AADACL3: variants seen among roughly 807,000 people sequenced by gnomAD.
The protein encoded by AADACL3 is arylacetamide deacetylase-like 3.
Under a neutral mutation model 13.6 loss-of-function variants are expected in AADACL3, and 13 were observed. The ratio of observed to expected loss-of-function variants is 0.95; its 90% CI spans 0.62 to 1.52. The LOEUF is 1.52. Among genes scored for constraint, AADACL3 ranks in the 40% most tolerant of loss-of-function variants. The probability of loss-of-function intolerance (pLI) is 0.00; values close to 1 mark genes in which losing one functional copy is unlikely to be tolerated. For missense variants in AADACL3, 519 were observed against 499.2 expected (o/e 1.04, Z -0.38); for synonymous variants, 195 against 197.0 (o/e 0.99, Z 0.08).
At position 12,726,300 on chromosome 1, in the gene AADACL3, A is replaced by C; in HGVS notation, c.*304A>C. 2.6e-6 allele frequency: 1 copy of C among 388,234 alleles called. No homozygotes were observed. Among genetic ancestry groups the C allele is most frequent in the South Asian group, 3.9e-5 (1 of 25,744 alleles). The allele number at this position is 388,234 out of a possible 1,614,324, so 24.0% of individuals were successfully genotyped here. ...GAATCAGCCGGTAAGAGCTGTTCTC[A>C]GCCTCCCTAAGGGGCAGTTCAGGCT... On this transcript the variant is annotated 3_prime_UTR_variant, in exon 4 of 4. Transcript: ENST00000359318.
intron 3 of AADACL3, among the ~76,000 whole-genome samples, chr1:12,722,283 C>T (rs1313276122): frequency 2.2e-5 from 3 of 139,446 alleles, no homozygotes; most frequent in Non-Finnish European, 4.6e-5. Flanking sequence ...GCTGAGATGG[C>T]GCCACTGCAC....
rs758517098 is a variant in AADACL3 at position 12,725,858 on chromosome 1, C to G, written c.1086C>G (p.Asp362Glu). 2.5e-6 allele frequency: 4 copies of G among 1,614,066 alleles called. No individual in the cohort carries two copies. The highest frequency in any genetic ancestry group is 3.4e-6 in the Non-Finnish European group (4 of 1,180,032). ...NSLLYKKRLEDLGVPVTWHHM... is the reference protein window; with the variant it reads ...NSLLYKKRLEELGVPVTWHHM... ...TGTTGTACAAGAAAAGGCTGGAAGA[C>G]CTGGGAGTGCCCGTGACCTGGCACC... Residue 362 changes from aspartate (D) to glutamate (E), a missense_variant, in exon 4 of 4, where the codon GAC becomes GAG. By Grantham distance (45) the Asp-to-Glu change is conservative. Transcript: ENST00000359318.
In AADACL3 at chr1:12,727,573, G is replaced by C. The variant is rs575192526; in HGVS notation, c.*1577G>C. ...TGGTTAGTGGTCTTTACAGGCCAAGGTCAAGGCCATTGCACAAAAAACCCT... is the reference window on the plus strand; with the variant it reads ...TGGTTAGTGGTCTTTACAGGCCAAGCTCAAGGCCATTGCACAAAAAACCCT... On this transcript the variant is annotated 3_prime_UTR_variant, in exon 4 of 4. Transcript: ENST00000359318. 1.3e-5 allele frequency: 2 copies of C among 152,224 alleles called. No individual in the cohort carries two copies. Among genetic ancestry groups the C allele is most frequent in the Non-Finnish European group, 2.9e-5 (2 of 68,058 alleles). The allele number at this position is 152,224 out of a possible 1,614,324, so 9.4% of individuals were successfully genotyped here. A position where few individuals can be genotyped will look rare whatever the true frequency, so the allele number is the denominator to read the frequency against.
chr1:12,718,491 C>A (rs1388320494), intron 1 of AADACL3, among the ~76,000 whole-genome samples: 2 of 151,836 alleles, frequency 1.3e-5, no homozygotes, highest in Non-Finnish European at 2.9e-5. Context: ...TCTTTATTTA[C>A]GTATTTTTAA....
In AADACL3 at chr1:12,725,602, T is replaced by C; in HGVS notation, c.830T>C (p.Val277Ala). Residue 277 changes from valine (V) to alanine (A), a missense_variant, in exon 4 of 4, where the codon GTC (valine) becomes GCC (alanine). By Grantham distance (64) the Val-to-Ala change is moderately conservative. Transcript: ENST00000359318. ...AAAGGTGCCCATTTGCCTGCTGAAG[T>C]CTGGGAAAAGTACAGAAAGTGGTTG... ...IMKGAHLPAE[V>A]WEKYRKWLGP... The C allele has an allele frequency of 6.2e-7, 1 of 1,614,022 alleles. No individual in the cohort carries two copies.
Position 12,725,747 on chromosome 1 carries a change from C to T in AADACL3, c.975C>T (p.Pro325=), listed in dbSNP as rs1553152430. Reference sequence around the variant, plus strand: ...TTGTCCTGGATGTGATGTGCTCGCCCCTGATTGCAGAAGATGACATAGTGT... The same window carrying T: ...TTGTCCTGGATGTGATGTGCTCGCCTCTGATTGCAGAAGATGACATAGTGT... ...VSVVLDVMCS[P]LIAEDDIVSQ... Residue 325 remains proline, a synonymous_variant, in exon 4 of 4, where the codon CCC becomes CCT. Coordinates refer to ENST00000359318, the MANE Select transcript of AADACL3 (RefSeq NM_001103170.3). 1.1e-5 allele frequency: 17 copies of T among 1,614,102 alleles called. No individual in the cohort carries two copies. Among genetic ancestry groups the T allele is most frequent in the Middle Eastern group, 3.3e-4 (2 of 6,062 alleles).
rs2100217068 is a variant in AADACL3, at chr1:12,725,442, A to G, written c.670A>G (p.Ile224Val). ...CCGGGCTCAGATCCTGATCTATGCC[A>G]TTCTCCAAGCCCTGGATTTACAAAC... ...RIRAQILIYA[I>V]LQALDLQTPS... Residue 224 changes from isoleucine (I) to valine (V), a missense_variant, in exon 4 of 4, where the codon ATT becomes GTT. Transcript: ENST00000359318. The G allele has an allele frequency of 2.5e-6, 4 of 1,614,016 alleles. No homozygotes were observed. The South Asian group carries it at 3.3e-5, about 13-fold the overall frequency.
chr1:12,720,354 T>C (rs1488833178), intron 2 of AADACL3, among the ~76,000 whole-genome samples: 1 of 152,212 alleles, frequency 6.6e-6, no homozygotes, highest in Non-Finnish European at 1.5e-5. Context: ...GTTTGGTCTG[T>C]ATGAGAATGA....
Position 12,719,674 on chromosome 1 carries a change from G to C in AADACL3, c.368G>C (p.Gly123Ala), listed in dbSNP as rs377308008. 1.1e-5 allele frequency: 17 copies of C among 1,613,924 alleles called. No individual in the cohort carries two copies. In the African/African-American group the frequency reaches 2.3e-4, roughly 22 times the overall value. ...PGIVYYHGGG[G>A]VMGSLKTHHG... ...ATCGTGTACTACCACGGTGGCGGGG[G>C]CGTCATGGGGAGTTTGAGTAAGAAC... Residue 123 changes from glycine (G) to alanine (A), a missense_variant, in exon 2 of 4, where the codon GGC (glycine) becomes GCC (alanine). Coordinates refer to ENST00000359318, the MANE Select transcript of AADACL3 (RefSeq NM_001103170.3).
At chr1:12,719,410 G>A in intron 1 of AADACL3, 65 bp from the exon 2 acceptor site, 1 of 1,505,578 alleles carries the variant, frequency 6.6e-7, no homozygotes, top group Non-Finnish European at 9.2e-7. Context: ...AGGTTGTGAA[G>A]GCCAGACTCC....
chr1:12,724,197 G>A lies in AADACL3; in HGVS notation c.450-1025G>A, dbSNP rs189637091. 5.1e-3 allele frequency among the ~76,000 whole-genome samples: 778 copies of A among 152,248 alleles called. 7 individuals are homozygous for A. Among genetic ancestry groups the A allele is most frequent in the African/African-American group, 0.018 (745 of 41,542 alleles). Reference sequence around the variant, plus strand: ...GCTGGATCCTATCCCTGCAGCTCAGGGAACAAGGCAGGAACCAACCCTGGA... The same window carrying A: ...GCTGGATCCTATCCCTGCAGCTCAGAGAACAAGGCAGGAACCAACCCTGGA... On this transcript the variant is annotated intron_variant, in intron 3 of 3. Coordinates refer to ENST00000359318, the MANE Select transcript of AADACL3 (RefSeq NM_001103170.3).
intron 1 of AADACL3, 109 bp downstream of exon 1, chr1:12,716,453 T>C: frequency 6.9e-7 from 1 of 1,440,950 alleles, no homozygotes; most frequent in Non-Finnish European, 9.8e-7. Context: ...TCATGGGGCC[T>C]GCAGTGACAG....
At chr1:12,721,029 TG>T (rs1167514773) in intron 3 of AADACL3, 83 bp downstream of exon 3, 19 of 88,918 alleles carry the variant, frequency 2.1e-4, no homozygotes, top group South Asian at 5.4e-4. Context: ...GAAATGGGGG[TG>T]GGGGGTGGGG....
chr1:12,725,343 G>C lies in AADACL3; in HGVS notation c.571G>C (p.Gly191Arg). The C allele has an allele frequency of 6.2e-7, 1 of 1,614,114 alleles. No individual in the cohort carries two copies. The highest frequency in any genetic ancestry group is 1.6e-4 in the Middle Eastern group (1 of 6,062). ...GVDPARVVVC[G>R]DSFGGAIAAV... ...GGATCCAGCCCGGGTTGTGGTCTGC[G>C]GTGACAGTTTCGGAGGGGCAATAGC... is the stretch of plus-strand genomic sequence containing the variant. The change falls in exon 4 of 4, where the codon GGT becomes CGT. Residue 191 changes from glycine (G) to arginine (R), a missense_variant. Physicochemically the swap from Gly to Arg is moderately radical, Grantham distance 125 (BLOSUM62 -2). Coordinates refer to ENST00000359318, the MANE Select transcript of AADACL3 (RefSeq NM_001103170.3).
chr1:12,718,770 G>C (rs1381436235), intron 1 of AADACL3, among the ~76,000 whole-genome samples: 2 of 152,130 alleles, frequency 1.3e-5, no homozygotes, highest in Non-Finnish European at 2.9e-5. Context: ...CAAAGTGCTG[G>C]GATTACAGGT....
At position 12,725,761 on chromosome 1, in the gene AADACL3, A is replaced by T. The variant is rs1236966072; in HGVS notation, c.989A>T (p.Asp330Val). ...DVMCSPLIAE[D>V]DIVSQLPETC... is the part of the protein sequence containing the mutation. ...ATGTGCTCGCCCCTGATTGCAGAAG[A>T]TGACATAGTGTCTCAGCTCCCGGAA... is the stretch of plus-strand genomic sequence containing the variant. The change falls in exon 4 of 4, where the codon GAT becomes GTT. Residue 330 changes from aspartate to valine, a missense_variant. By Grantham distance (152) the Asp-to-Val change is radical. Transcript: ENST00000359318. 3 of 1,614,052 alleles carry T rather than the reference A, an allele frequency of 1.9e-6. No individual in the cohort carries two copies. The highest frequency in any genetic ancestry group is 2.5e-6 in the Non-Finnish European group (3 of 1,180,038).
In AADACL3 at chr1:12,716,350, T is replaced by A; in HGVS notation, c.168+6T>A. The stretch of plus-strand genomic sequence containing the variant: ...TCCAGCTGCTGTTGACTTGGGTGAG[T>A]TTTGTGCTTTATGTGTCCCCTCCAG... On this transcript the variant is annotated splice_donor_region_variant and intron_variant, in intron 1 of 3. Transcript: ENST00000359318. The A allele has an allele frequency of 6.2e-7, 1 of 1,614,014 alleles. No individual in the cohort carries two copies. The highest frequency in any genetic ancestry group is 1.1e-5 in the South Asian group (1 of 91,066).
chr1:12,717,869 A>G (rs1648473797), intron 1 of AADACL3, among the ~76,000 whole-genome samples: 1 of 152,112 alleles, frequency 6.6e-6, no homozygotes, highest in African/African-American at 2.4e-5. Flanking sequence ...GGGTCACAGA[A>G]CACAAGGGGG....
chr1:12,721,727 A>C (rs892150120), intron 3 of AADACL3, among the ~76,000 whole-genome samples: 1 of 152,210 alleles, frequency 6.6e-6, no homozygotes, highest in African/African-American at 2.4e-5. Context: ...AAGTGCTCCC[A>C]AAAGGGAGGT....
Sources: gnomAD v4.1 joint callset for allele counts (sites outside exome capture counted in the v4.1 genomes callset) on GRCh38, gnomAD v4.1.1 for gene constraint, MANE v1.5 for transcripts, NCBI Gene and HGNC (gene_info 2026-07-23, HGNC 2026-07-21) for gene names.